Variants in ACCSL observed in about 807,000 individuals in gnomAD.
ACCSL encodes the protein 1-aminocyclopropane-1-carboxylate synthase homolog (inactive) like.
A neutral mutation model predicts 61.7 loss-of-function variants in ACCSL; 55 were observed. That is an observed-to-expected ratio of 0.89 (90% CI 0.72 to 1.12). The LOEUF (loss-of-function observed/expected upper bound fraction) is 1.12. Ranked by LOEUF, ACCSL falls within the 50% of genes most tolerant of loss-of-function variation. The pLI is 0.00. For missense variants in ACCSL, 632 were observed against 698.0 expected (o/e 0.91, Z 1.07); for synonymous variants, 258 against 264.3 (o/e 0.98, Z 0.23).
the ACCSL span, among the ~76,000 whole-genome samples, chr11:43,951,217 AG>A: frequency 1.3e-5 from 2 of 152,218 alleles, no homozygotes; most frequent in African/African-American, 2.4e-5. Flanking sequence ...GAGAGAACCT[AG>A]AAACCTGGGG....
At chr11:43,956,224 T>C in the ACCSL span, among the ~76,000 whole-genome samples, 12 of 152,344 alleles carry the variant, frequency 7.9e-5, no homozygotes, top group Non-Finnish European at 1.3e-4. Context: ...TTGGCTACGT[T>C]TGGCCAAAAC....
chr11:44,032,406 C>T, the ACCSL span, among the ~76,000 whole-genome samples: 1 of 152,104 alleles, frequency 6.6e-6, no homozygotes, highest in Non-Finnish European at 1.5e-5. Flanking sequence ...ATCCAGAGTC[C>T]ATGTGCAAGG....
chr11:43,989,632 T>C, the ACCSL span, among the ~76,000 whole-genome samples: 1 of 152,154 alleles, frequency 6.6e-6, no homozygotes, highest in Non-Finnish European at 1.5e-5. Context: ...CCAGGCACCA[T>C]GGCCCCCACC....
the ACCSL span, chr11:43,973,995 G>A: frequency 1.3e-5 from 2 of 152,230 alleles, no homozygotes; most frequent in East Asian, 3.9e-4. Context: ...TCACTAGCCT[G>A]TGATAGACAG....
intron 8 of ACCSL, among the ~76,000 whole-genome samples, chr11:44,053,851 G>C (rs1259464221): frequency 6.6e-6 from 1 of 152,150 alleles, no homozygotes; most frequent in Non-Finnish European, 1.5e-5. Context: ...AATAGAGTGA[G>C]ACTTTGTCTC....
At chr11:44,033,412 C>T in the ACCSL span, among the ~76,000 whole-genome samples, 13 of 152,264 alleles carry the variant, frequency 8.5e-5, no homozygotes, top group Non-Finnish European at 1.6e-4. Flanking sequence ...GGAATCCTGG[C>T]AAACAGGCCC....
chr11:43,930,500 C>T, the ACCSL span, among the ~76,000 whole-genome samples: 8 of 152,116 alleles, frequency 5.3e-5, no homozygotes, highest in South Asian at 6.2e-4. Context: ...TGTTATTTCA[C>T]GCTAGAACTG....
At chr11:44,027,455 T>C in the ACCSL span, among the ~76,000 whole-genome samples, 1 of 152,250 alleles carries the variant, frequency 6.6e-6, no homozygotes, top group Non-Finnish European at 1.5e-5. Flanking sequence ...AATGTTCCAA[T>C]AAAGGACCAG....
the ACCSL span, among the ~76,000 whole-genome samples, chr11:44,005,765 C>G: frequency 6.6e-6 from 1 of 152,206 alleles, no homozygotes. Context: ...CACTATCACA[C>G]TACATCTAAC....
chr11:43,999,239 T>C, the ACCSL span, among the ~76,000 whole-genome samples: 3 of 152,186 alleles, frequency 2.0e-5, no homozygotes, highest in South Asian at 6.2e-4. Context: ...GCATATCACA[T>C]GTATAAGGCC....
chr11:44,011,791 G>T, the ACCSL span, among the ~76,000 whole-genome samples: 2 of 152,160 alleles, frequency 1.3e-5, no homozygotes, highest in South Asian at 2.1e-4. Flanking sequence ...AGTATGTGTG[G>T]GGGCGTGTGT....
chr11:43,927,163 A>T, the ACCSL span, among the ~76,000 whole-genome samples: 1 of 152,220 alleles, frequency 6.6e-6, no homozygotes. Context: ...ACTTAGGTAC[A>T]TTGGTGCCTG....
At chr11:44,022,404 G>T in the ACCSL span, among the ~76,000 whole-genome samples, 1 of 151,964 alleles carries the variant, frequency 6.6e-6, no homozygotes, top group African/African-American at 2.4e-5. Context: ...TTCTTGATTT[G>T]ATTCTCTGCT....
At chr11:43,936,884 C>A in the ACCSL span, among the ~76,000 whole-genome samples, 9 of 151,812 alleles carry the variant, frequency 5.9e-5, no homozygotes, top group South Asian at 2.1e-4. Context: ...TTCCCCACCC[C>A]CCCCTCCTGC....
chr11:44,049,881 G>T, intron 1 of ACCSL, 181 bp from the exon 2 acceptor site: 1 of 718,950 alleles, frequency 1.4e-6, no homozygotes, highest in Non-Finnish European at 2.4e-6. Flanking sequence ...GGCTCTAATG[G>T]GGAAATTTGC....
the ACCSL span, among the ~76,000 whole-genome samples, chr11:43,979,604 A>T: frequency 6.6e-6 from 1 of 152,136 alleles, no homozygotes; most frequent in African/African-American, 2.4e-5. Context: ...GCAAGCTGAG[A>T]CCACCACAAC....
At chr11:44,051,869 C>G (rs1296942942) in intron 5 of ACCSL, 150 bp downstream of exon 5, 2 of 864,726 alleles carry the variant, frequency 2.3e-6, no homozygotes, top group Non-Finnish European at 3.7e-6. Flanking sequence ...ACTAGGTTAT[C>G]TTCCTATTTC....
At chr11:44,031,557 T>C in the ACCSL span, among the ~76,000 whole-genome samples, 9 of 152,116 alleles carry the variant, frequency 5.9e-5, no homozygotes, top group African/African-American at 1.9e-4. Context: ...AGGAAACACC[T>C]GCAATGGATG....
chr11:43,926,944 G>A, the ACCSL span, among the ~76,000 whole-genome samples: 1 of 152,186 alleles, frequency 6.6e-6, no homozygotes, highest in Non-Finnish European at 1.5e-5. Context: ...AGACGGTCTT[G>A]CCATGTAGCC....
Sources: gnomAD v4.1 joint callset for allele counts (sites outside exome capture counted in the v4.1 genomes callset) on GRCh38, gnomAD v4.1.1 for gene constraint, MANE v1.5 for transcripts, NCBI Gene and HGNC (gene_info 2026-07-23, HGNC 2026-07-21) for gene names.